Variants in OXNAD1 observed in about 807,000 individuals in gnomAD.
OXNAD1 encodes oxidoreductase NAD-binding domain-containing protein 1.
A neutral mutation model predicts 32.9 loss-of-function variants in OXNAD1; 34 were observed. The ratio of observed to expected loss-of-function variants is 1.03; its 90% CI spans 0.79 to 1.38. The LOEUF (loss-of-function observed/expected upper bound fraction) is 1.38, where lower values mean the gene tolerates loss of function less well. OXNAD1 is among the 40% of genes most tolerant of loss of function. The pLI, the probability that OXNAD1 is intolerant of heterozygous loss-of-function variation, is 0.00. For missense variants in OXNAD1, 407 were observed against 379.4 expected (o/e 1.07, Z -0.60); for synonymous variants, 134 against 135.2 (o/e 0.99, Z 0.06).
downstream of OXNAD1, among the ~76,000 whole-genome samples, chr3:16,351,666 A>AC (rs2072111083): frequency 6.6e-6 from 1 of 152,216 alleles, no homozygotes; most frequent in Non-Finnish European, 1.5e-5. The surrounding 1 kb of genome is among the most constrained non-coding windows in gnomAD (Gnocchi z 5.4). Context: ...CCAACTGAGC[A>AC]CTTCAGGGGT....
At chr3:16,313,577 C>G (rs1372693883) in intron 9 of OXNAD1, 1 of 152,174 alleles carries the variant, frequency 6.6e-6, no homozygotes, top group African/African-American at 2.4e-5. Context: ...AGAGTACTTA[C>G]CATGGACCAA....
At chr3:16,267,582 G>A (rs999477138) in intron 1 of OXNAD1, among the ~76,000 whole-genome samples, 1 of 152,040 alleles carries the variant, frequency 6.6e-6, no homozygotes, top group African/African-American at 2.4e-5. Context: ...TTGCTTGGCC[G>A]CCTTTTCCTC....
intron 9 of OXNAD1, among the ~76,000 whole-genome samples, chr3:16,331,345 C>G (rs376750893): frequency 2.6e-5 from 4 of 152,270 alleles, no homozygotes; most frequent in African/African-American, 9.6e-5. Flanking sequence ...TTTAGTGCTC[C>G]CATAAACATT....
rs1285028278 is a variant in OXNAD1 at position 16,337,306 on chromosome 3, G to GT, written c.*228dup. 2.0e-5 allele frequency: 3 copies of GT among 152,236 alleles called. No individual in the cohort carries two copies. Among genetic ancestry groups the GT allele is most frequent in the Admixed American group, 1.3e-4 (2 of 15,288 alleles). The allele number at this position is 152,236 out of a possible 1,614,324, so 9.4% of individuals were successfully genotyped here. A position where few individuals can be genotyped will look rare whatever the true frequency, so the allele number is the denominator to read the frequency against. ...GAAGGAAAAATCACCCAGCTGACCT[G>GT]TTTGGGTTATGATTTTAACTCACTA... On this transcript the variant is annotated 3_prime_UTR_variant, in exon 10 of 10. Transcript: ENST00000435829. The surrounding 1 kb of genome is among the most constrained non-coding windows in gnomAD (Gnocchi z 5.0).
chr3:16,269,992 T>A (rs1019140147), intron 2 of OXNAD1, among the ~76,000 whole-genome samples: 3 of 152,224 alleles, frequency 2.0e-5, no homozygotes, highest in Non-Finnish European at 2.9e-5. Flanking sequence ...TCCTAATCAG[T>A]GCTTTTCTTG....
At chr3:16,324,916 G>A (rs1253828164) in intron 9 of OXNAD1, among the ~76,000 whole-genome samples, 2 of 151,614 alleles carry the variant, frequency 1.3e-5, no homozygotes, top group African/African-American at 4.9e-5. Context: ...TTCCATAATG[G>A]CTATATTAAT....
intron 1 of OXNAD1, among the ~76,000 whole-genome samples, chr3:16,267,949 T>A (rs2064649102): frequency 6.6e-6 from 1 of 152,234 alleles, no homozygotes; most frequent in Non-Finnish European, 1.5e-5. Context: ...GGTGTCAGTT[T>A]TATTTAGCAC....
At position 16,276,562 on chromosome 3, in the gene OXNAD1, T is replaced by G. The variant is rs184348027; in HGVS notation, c.183+4840T>G. The G allele has an allele frequency of 2.0e-3, 335 of 165,290 alleles. 3 individuals are homozygous for G. Among genetic ancestry groups the G allele is most frequent in the African/African-American group, 7.9e-3 (327 of 41,450 alleles). The allele number at this position is 165,290 out of a possible 1,614,324, so 10.2% of individuals were successfully genotyped here. On this transcript the variant is annotated intron_variant, in intron 4 of 8. Transcript: ENST00000285083. Reference sequence around the variant, plus strand: ...ACTTTTCAAGTGTTTCTTTGTCATTTAGAGGAAATGGGTAAAAACTCAGCT... The same window carrying G: ...ACTTTTCAAGTGTTTCTTTGTCATTGAGAGGAAATGGGTAAAAACTCAGCT...
chr3:16,351,544 T>TA (rs138688205), downstream of OXNAD1, among the ~76,000 whole-genome samples: 238 of 152,316 alleles, frequency 1.6e-3, 1 homozygote, highest in African/African-American at 5.3e-3. This position sits in a 1 kb window ranked among gnomAD's most constrained non-coding sequence, Gnocchi z 5.4. Flanking sequence ...AATGATACCC[T>TA]AAGCCATTCT....
rs34394480 is a variant in OXNAD1 at position 16,348,363 on chromosome 3, T to TA, written c.*31-804dup. Reference sequence around the variant, plus strand: ...CATTATCCAATATGTGTTCTAATTATAAAAAAAAATTAATAGATGTGCCTT... The same window carrying TA: ...CATTATCCAATATGTGTTCTAATTATAAAAAAAAAATTAATAGATGTGCCTT... On this transcript the variant is annotated intron_variant, in intron 9 of 9. Transcript: ENST00000606098. The surrounding 1 kb of genome is among the most constrained non-coding windows in gnomAD (Gnocchi z 6.3). Among the ~76,000 whole-genome samples, 20,926 of 151,506 alleles carry TA rather than the reference T, an allele frequency of 0.14. 1,473 individuals carry two copies. Among genetic ancestry groups the TA allele is most frequent in the Admixed American group, 0.16 (2,477 of 15,196 alleles).
Position 16,317,055 on chromosome 3 carries a change from C to G in OXNAD1, c.*30+13463C>G. On this transcript the variant is annotated intron_variant, in intron 9 of 9. Transcript: ENST00000435829. The surrounding 1 kb of genome is among the most constrained non-coding windows in gnomAD (Gnocchi z 4.3). ...ACAGGGCCCTTCATCTCCTCGGAGA[C>G]TCCACCCTCCTGCTGCTGTCCTGAA... 1 of 1,613,906 alleles carries G rather than the reference C, an allele frequency of 6.2e-7. No individual in the cohort carries two copies. The highest frequency in any genetic ancestry group is 1.1e-5 in the South Asian group (1 of 91,070).
chr3:16,277,258 C>A lies in OXNAD1; in HGVS notation c.183+5536C>A, dbSNP rs966968491. On this transcript the variant is annotated intron_variant, in intron 4 of 8. Coordinates refer to ENST00000285083, the MANE Select transcript of OXNAD1 (RefSeq NM_138381.5). This position sits in a 1 kb window ranked among gnomAD's most constrained non-coding sequence, Gnocchi z 4.3. ...TTCTGTTTCTAATTTCCCCTCTTCT[C>A]CCATACAGAATGAGAACTGCGAAGA... 5.3e-5 allele frequency among the ~76,000 whole-genome samples: 8 copies of A among 152,120 alleles called. No homozygotes were observed. The highest frequency in any genetic ancestry group is 1.7e-4 in the African/African-American group (7 of 41,414).
Position 16,342,838 on chromosome 3 carries a change from C to T in OXNAD1, c.*31-6338C>T, listed in dbSNP as rs2071402414. 6.6e-6 allele frequency among the ~76,000 whole-genome samples: 1 copy of T among 152,112 alleles called. No homozygotes were observed. The highest frequency in any genetic ancestry group is 2.4e-5 in the African/African-American group (1 of 41,430). ...ACCTCTAGTCCAGTGGCTGCTAGGCCTGGCTGAATTTTTTACATGCAGTTC... is the reference window on the plus strand; with the variant it reads ...ACCTCTAGTCCAGTGGCTGCTAGGCTTGGCTGAATTTTTTACATGCAGTTC... On this transcript the variant is annotated intron_variant, in intron 9 of 9. Transcript: ENST00000606098. This position sits in a 1 kb window ranked among gnomAD's most constrained non-coding sequence, Gnocchi z 4.0.
At chr3:16,323,809 A>G (rs1009392025) in intron 9 of OXNAD1, among the ~76,000 whole-genome samples, 1 of 152,230 alleles carries the variant, frequency 6.6e-6, no homozygotes, top group African/African-American at 2.4e-5. Flanking sequence ...GTCTCTGGTA[A>G]TGATGGGCAG....
rs1001038443 is a variant in OXNAD1, at chr3:16,288,217, G to A, written c.290+1769G>A. On this transcript the variant is annotated intron_variant, in intron 5 of 8. Coordinates refer to ENST00000285083, the MANE Select transcript of OXNAD1 (RefSeq NM_138381.5). The surrounding 1 kb of genome is among the most constrained non-coding windows in gnomAD (Gnocchi z 5.1). ...GCTGTCTCAGACCATCAGCTTGGTA[G>A]TAACAGCCATGTGGTACTTTGGAGA... 1.3e-5 allele frequency among the ~76,000 whole-genome samples: 2 copies of A among 152,172 alleles called. No individual in the cohort carries two copies. The highest frequency in any genetic ancestry group is 4.8e-5 in the African/African-American group (2 of 41,434).
At chr3:16,286,508 GTAT>G in intron 5 of OXNAD1, 60 bp downstream of exon 5, 1 of 1,400,662 alleles carries the variant, frequency 7.1e-7, no homozygotes, top group Non-Finnish European at 1.0e-6. Context: ...CAGATAGAAG[GTAT>G]TATTTTTTCT....
chr3:16,266,729 T>C (rs1429195399), intron 1 of OXNAD1, among the ~76,000 whole-genome samples: 1 of 152,038 alleles, frequency 6.6e-6, no homozygotes, highest in Non-Finnish European at 1.5e-5. Flanking sequence ...TCCACCTCTC[T>C]AGGTTGTTTG....
chr3:16,351,259 A>T (rs1481250689), downstream of OXNAD1, among the ~76,000 whole-genome samples: 1 of 152,112 alleles, frequency 6.6e-6, no homozygotes, highest in East Asian at 1.9e-4. This position sits in a 1 kb window ranked among gnomAD's most constrained non-coding sequence, Gnocchi z 5.4. Context: ...CGCGCCAAGG[A>T]CTGTGTCCTT....
chr3:16,343,881 C>T (rs141895529), intron 9 of OXNAD1, among the ~76,000 whole-genome samples: 165 of 152,292 alleles, frequency 1.1e-3, no homozygotes, highest in Non-Finnish European at 1.1e-3. Context: ...GAGAGCAAAG[C>T]CAGCTGATAG....
Sources: allele counts gnomAD v4.1 joint callset (sites outside exome capture counted in the v4.1 genomes callset), GRCh38; gene constraint gnomAD v4.1.1; non-coding constraint Gnocchi (gnomAD v3.1); transcripts MANE v1.5; gene names NCBI Gene and HGNC (gene_info 2026-07-23, HGNC 2026-07-21).